Variants in SMARCC1 observed in about 807,000 individuals in gnomAD.
The protein encoded by SMARCC1 is SWI/SNF complex subunit SMARCC1.
Under a neutral mutation model 147.4 loss-of-function variants are expected in SMARCC1, and 43 were observed. The observed-to-expected ratio is 0.29, with a 90% CI of 0.23 to 0.38. SMARCC1 has a LOEUF of 0.38. Ranked by LOEUF, SMARCC1 falls within the 10% of genes least tolerant of loss-of-function variation. The probability of loss-of-function intolerance (pLI) is 1.00; values close to 1 mark genes in which losing one functional copy is unlikely to be tolerated. For synonymous variants in SMARCC1, 495 were observed against 484.4 expected, an observed-to-expected ratio of 1.02 and a Z score of -0.29; for missense variants, 1,119 against 1,381.1, an observed-to-expected ratio of 0.81 and a Z score of 3.01.
intron 2 of SMARCC1, among the ~76,000 whole-genome samples, chr3:47,749,046 T>C (rs2034598426): frequency 6.6e-6 from 1 of 152,128 alleles, no homozygotes; most frequent in African/African-American, 2.4e-5. Flanking sequence ...GAGTATCCTG[T>C]AATCCCAGCA....
intron 24 of SMARCC1, among the ~76,000 whole-genome samples, chr3:47,629,272 T>C (rs888429123): frequency 4.6e-5 from 7 of 152,198 alleles, no homozygotes; most frequent in African/African-American, 1.7e-4. Flanking sequence ...GAACCACTCC[T>C]AAAGAGCCTC....
Position 47,628,361 on chromosome 3 carries a change from C to T in SMARCC1, c.2647-6020G>A, listed in dbSNP as rs75855581. Among the ~76,000 whole-genome samples, 601 of 152,316 alleles carry T rather than the reference C, an allele frequency of 3.9e-3. 5 individuals carry two copies. The highest frequency in any genetic ancestry group is 0.013 in the African/African-American group (546 of 41,580). ...GTGTCACCTCTACAAGTTCACCTCTCAGCTTCTTTGCATCATCATTACTGA... is the reference window on the plus strand; with the variant it reads ...GTGTCACCTCTACAAGTTCACCTCTTAGCTTCTTTGCATCATCATTACTGA... On this transcript the variant is annotated intron_variant, in intron 24 of 27. Transcript: ENST00000254480.
chr3:47,674,279 G>A (rs187729693), intron 18 of SMARCC1, among the ~76,000 whole-genome samples: 209 of 152,180 alleles, frequency 1.4e-3, no homozygotes, highest in Non-Finnish European at 2.2e-3. Flanking sequence ...TTTCATCTGG[G>A]ATCATTATCC....
At chr3:47,714,919 C>T (rs763324778) in intron 7 of SMARCC1, among the ~76,000 whole-genome samples, 1 of 152,162 alleles carries the variant, frequency 6.6e-6, no homozygotes, top group Non-Finnish European at 1.5e-5. Context: ...TCACCAGTAA[C>T]GTATATATTG....
intron 6 of SMARCC1, among the ~76,000 whole-genome samples, chr3:47,728,336 C>T (rs2034325813): frequency 6.6e-6 from 1 of 152,058 alleles, no homozygotes; most frequent in Non-Finnish European, 1.5e-5. Flanking sequence ...GATCCACCCA[C>T]CTCGGACTCC....
chr3:47,670,777 T>C lies in SMARCC1; in HGVS notation c.1840-60A>G, dbSNP rs150114827. The C allele has an allele frequency of 1.3e-3, 1,260 of 1,004,462 alleles. 5 individuals carry two copies. Among genetic ancestry groups the C allele is most frequent in the African/African-American group, 5.1e-3 (328 of 64,292 alleles). The allele number at this position is 1,004,462 out of a possible 1,614,324, so 62.2% of individuals were successfully genotyped here. On this transcript the variant is annotated intron_variant, in intron 18 of 27. Transcript: ENST00000254480. Reference sequence around the variant, plus strand: ...TTTAAATGCTGAAGATGGAGCTCAGTAGAATTCCTTTCCAAGCTCAGGGGA... The same window carrying C: ...TTTAAATGCTGAAGATGGAGCTCAGCAGAATTCCTTTCCAAGCTCAGGGGA...
chr3:47,729,372 T>C (rs1400922894), intron 5 of SMARCC1, among the ~76,000 whole-genome samples: 1 of 152,126 alleles, frequency 6.6e-6, no homozygotes, highest in African/African-American at 2.4e-5. Context: ...ATATCAGTAA[T>C]ATGGGTACTA....
intron 13 of SMARCC1, among the ~76,000 whole-genome samples, chr3:47,687,631 C>T (rs143256422): frequency 6.6e-6 from 1 of 152,282 alleles, no homozygotes; most frequent in African/African-American, 2.4e-5. Context: ...CCACACCAAG[C>T]TAATCTTTTA....
chr3:47,652,664 C>T (rs1173365316), intron 21 of SMARCC1, among the ~76,000 whole-genome samples: 1 of 150,894 alleles, frequency 6.6e-6, no homozygotes, highest in East Asian at 1.9e-4. Flanking sequence ...AAGGATTCTC[C>T]TGAAAAGAAA....
chr3:47,694,074 T>C (rs2033820552), intron 11 of SMARCC1, among the ~76,000 whole-genome samples: 1 of 152,186 alleles, frequency 6.6e-6, no homozygotes, highest in African/African-American at 2.4e-5. Context: ...GGACCTTCTT[T>C]CCATGTAAGA....
intron 10 of SMARCC1, among the ~76,000 whole-genome samples, chr3:47,704,978 T>G (rs2106791558): frequency 7.1e-6 from 1 of 140,632 alleles, no homozygotes; most frequent in East Asian, 2.0e-4. Context: ...CGGTGGCTCA[T>G]GACCCTGTCT....
chr3:47,650,290 A>AT (rs1173596072), intron 21 of SMARCC1, among the ~76,000 whole-genome samples: 6 of 141,168 alleles, frequency 4.3e-5, no homozygotes, highest in Non-Finnish European at 9.3e-5. Flanking sequence ...AATAATAATA[A>AT]TAATAATAAT....
chr3:47,680,203 C>A (rs973798922), intron 15 of SMARCC1: 7 of 402,186 alleles, frequency 1.7e-5, no homozygotes, highest in Admixed American at 1.4e-4. Flanking sequence ...GCCTGGGCAA[C>A]AGAGTGAGAC....
intron 26 of SMARCC1, among the ~76,000 whole-genome samples, chr3:47,602,283 C>T (rs1473161491): frequency 6.6e-6 from 1 of 152,054 alleles, no homozygotes; most frequent in Admixed American, 6.5e-5. Context: ...CACAGCAAAA[C>T]CCTGTCTCAA....
chr3:47,779,189 G>A (rs2351249), intron 1 of SMARCC1, among the ~76,000 whole-genome samples: 150,002 of 151,962 alleles, frequency 0.99, 74,054 homozygotes, highest in East Asian at 1. Context: ...CTATGATCAC[G>A]CCACTGTACT....
At chr3:47,750,991 G>A (rs138501275) in intron 2 of SMARCC1, among the ~76,000 whole-genome samples, 15 of 151,582 alleles carry the variant, frequency 9.9e-5, no homozygotes, top group Non-Finnish European at 1.5e-4. Context: ...TCTGCCTCCC[G>A]GGTTCAAGGG....
At chr3:47,762,005 C>T (rs2034779693) in intron 2 of SMARCC1, among the ~76,000 whole-genome samples, 1 of 152,140 alleles carries the variant, frequency 6.6e-6, no homozygotes, top group Non-Finnish European at 1.5e-5. Context: ...TGGTCCAGAA[C>T]TCCTGATTTC....
At chr3:47,711,586 C>T (rs1252600951) in intron 8 of SMARCC1, among the ~76,000 whole-genome samples, 1 of 152,162 alleles carries the variant, frequency 6.6e-6, no homozygotes, top group Non-Finnish European at 1.5e-5. Flanking sequence ...GAACAGATTA[C>T]AATTATGAAG....
rs2032105686 is a variant in SMARCC1 at position 47,588,197 on chromosome 3, G to A, written c.*12C>T. On this transcript the variant is annotated 3_prime_UTR_variant, in exon 28 of 28. Coordinates refer to ENST00000254480, the MANE Select transcript of SMARCC1 (RefSeq NM_003074.4). ...ATGGTGGTGGGCGTGGAGGTTCCCT[G>A]CATCTTCCAGGCTAAGGAGCAGCTG... 1.2e-6 allele frequency: 2 copies of A among 1,604,544 alleles called. No homozygotes were observed. The highest frequency in any genetic ancestry group is 1.7e-6 in the Non-Finnish European group (2 of 1,172,294).
Sources: allele counts gnomAD v4.1 joint callset (sites outside exome capture counted in the v4.1 genomes callset), GRCh38; gene constraint gnomAD v4.1.1; transcripts MANE v1.5; gene names NCBI Gene and HGNC (gene_info 2026-07-23, HGNC 2026-07-21).